Variants in COL24A1 observed in about 807,000 individuals in gnomAD.
COL24A1 encodes the protein collagen alpha-1(XXIV) chain.
A neutral mutation model predicts 253.9 loss-of-function variants in COL24A1; 224 were observed. The ratio of observed to expected loss-of-function variants is 0.88; its 90% CI spans 0.79 to 0.99. The LOEUF is 0.99. COL24A1 is among the 50% of genes least tolerant of loss of function. The probability of loss-of-function intolerance (pLI) is 0.00; values close to 1 mark genes in which losing one functional copy is unlikely to be tolerated. For synonymous variants in COL24A1, 685 were observed against 673.7 expected (o/e 1.02, Z -0.26); for missense variants, 2,131 against 2,068.5 (o/e 1.03, Z -0.59).
At chr1:86,146,403 A>C (rs1366485445) in intron 1 of COL24A1, among the ~76,000 whole-genome samples, 8 of 152,042 alleles carry the variant, frequency 5.3e-5, no homozygotes, top group Non-Finnish European at 1.0e-4. Context: ...TCTATGCCTT[A>C]GCTGCTTTAT....
chr1:85,738,265 G>A (rs573967320), intron 57 of COL24A1, among the ~76,000 whole-genome samples: 1 of 152,190 alleles, frequency 6.6e-6, no homozygotes, highest in East Asian at 1.9e-4. Context: ...TCCATCTCTT[G>A]AAGGAAAAAT....
Position 85,878,498 on chromosome 1 carries a change from G to A in COL24A1, c.2977-1323C>T, listed in dbSNP as rs141427950. The stretch of plus-strand genomic sequence containing the variant: ...ATAGCAGACATATTGGTTCATATTG[G>A]TTGCTTCAAATTTTTTGCACCTATA... On this transcript the variant is annotated intron_variant, in intron 32 of 59. Transcript: ENST00000370571. 2.0e-4 allele frequency among the ~76,000 whole-genome samples: 31 copies of A among 152,274 alleles called. No individual in the cohort carries two copies. In the East Asian group the frequency reaches 5.2e-3, roughly 26 times the overall value.
intron 18 of COL24A1, among the ~76,000 whole-genome samples, chr1:86,019,065 A>C (rs1697250528): frequency 6.6e-6 from 1 of 152,216 alleles, no homozygotes; most frequent in African/African-American, 2.4e-5. Flanking sequence ...TAAAATAGGG[A>C]AGACATCCTT....
chr1:86,074,524 C>T (rs1702113263), intron 7 of COL24A1, among the ~76,000 whole-genome samples: 1 of 152,128 alleles, frequency 6.6e-6, no homozygotes, highest in South Asian at 2.1e-4. Flanking sequence ...TTTAACACCC[C>T]ACTGTCAATA....
At chr1:85,784,219 G>A (rs1669431799) in intron 49 of COL24A1, 40 bp downstream of exon 49, 1 of 1,610,238 alleles carries the variant, frequency 6.2e-7, no homozygotes, top group Non-Finnish European at 8.5e-7. Flanking sequence ...AGCCTGCTCT[G>A]TAGAATAAAT....
At chr1:85,849,498 G>A (rs975222745) in intron 37 of COL24A1, 92 bp from the exon 38 acceptor site, 5 of 955,150 alleles carry the variant, frequency 5.2e-6, no homozygotes, top group Non-Finnish European at 6.6e-6. Context: ...CACTGGATTG[G>A]ATTGGACGAG....
intron 53 of COL24A1, among the ~76,000 whole-genome samples, chr1:85,772,641 C>T (rs4300248): frequency 0.75 from 113,284 of 151,912 alleles, 43,084 homozygotes; most frequent in Non-Finnish European, 0.82. Context: ...CATTTTTTCA[C>T]ATGTCTGTTG....
intron 42 of COL24A1, among the ~76,000 whole-genome samples, chr1:85,839,428 G>T (rs1676368033): frequency 6.6e-6 from 1 of 151,746 alleles, no homozygotes; most frequent in African/African-American, 2.4e-5. Context: ...TTCTTCATGA[G>T]AAAGTCTACT....
At chr1:85,907,471 TA>T (rs886414671) in intron 27 of COL24A1, among the ~76,000 whole-genome samples, 2 of 151,872 alleles carry the variant, frequency 1.3e-5, no homozygotes, top group African/African-American at 4.8e-5. Flanking sequence ...ACACCCTGAA[TA>T]AAAAATGGAG....
At chr1:85,851,792 T>C (rs1677800850) in intron 37 of COL24A1, among the ~76,000 whole-genome samples, 1 of 152,214 alleles carries the variant, frequency 6.6e-6, no homozygotes, top group Non-Finnish European at 1.5e-5. Flanking sequence ...TACATGTATA[T>C]GTTTTTATAC....
chr1:85,957,899 C>A (rs547824069), intron 24 of COL24A1, among the ~76,000 whole-genome samples: 3 of 152,270 alleles, frequency 2.0e-5, no homozygotes, highest in Admixed American at 2.0e-4. Context: ...TTGGCTCCTG[C>A]CTCCTTCACT....
intron 28 of COL24A1, among the ~76,000 whole-genome samples, chr1:85,906,264 C>CTTTTTATTTTTTTTTTTT (rs1684809084): frequency 2.6e-5 from 2 of 77,848 alleles, no homozygotes; most frequent in African/African-American, 1.0e-4. Context: ...ACTGCAAGGT[C>CTTTTTATTTTTTTTTTTT]TTTTTTTTTT....
rs1164026945 is a variant in COL24A1 at position 85,961,302 on chromosome 1, AAAG to A, written c.2518-12_2518-10del. ...TGATCTCCTACTTCTCCCTGTCAAA[AAAG>A]AATATAAAGTTGCAAAAACAGTTAT... On this transcript the variant is annotated splice_polypyrimidine_tract_variant and intron_variant, in intron 23 of 59. Coordinates refer to ENST00000370571, the MANE Select transcript of COL24A1 (RefSeq NM_152890.7). 1.9e-6 allele frequency: 3 copies of A among 1,596,804 alleles called. No homozygotes were observed. The highest frequency in any genetic ancestry group is 1.7e-6 in the Non-Finnish European group (2 of 1,166,444).
chr1:85,853,980 T>C (rs1021530440), intron 37 of COL24A1, among the ~76,000 whole-genome samples: 1 of 152,240 alleles, frequency 6.6e-6, no homozygotes, highest in Non-Finnish European at 1.5e-5. Flanking sequence ...TAGGTTCATT[T>C]GTCAAGTTTT....
chr1:85,891,118 T>G (rs935099642), intron 31 of COL24A1, among the ~76,000 whole-genome samples: 37 of 152,118 alleles, frequency 2.4e-4, no homozygotes, highest in African/African-American at 8.4e-4. Flanking sequence ...CAGCATGATC[T>G]TGGCTCACTG....
intron 52 of COL24A1, among the ~76,000 whole-genome samples, chr1:85,780,419 T>C (rs17128294): frequency 0.016 from 2,475 of 152,306 alleles, 76 homozygotes; most frequent in African/African-American, 0.057. Flanking sequence ...TTATCAATAT[T>C]GGAAAACTTT....
intron 5 of COL24A1, among the ~76,000 whole-genome samples, chr1:86,103,614 G>A (rs906947960): frequency 2.0e-5 from 3 of 152,120 alleles, no homozygotes; most frequent in Non-Finnish European, 2.9e-5. Context: ...TGTCTGAAAA[G>A]GATCTTATTT....
At chr1:85,876,045 T>G (rs1453741824) in intron 33 of COL24A1, among the ~76,000 whole-genome samples, 1 of 152,070 alleles carries the variant, frequency 6.6e-6, no homozygotes, top group African/African-American at 2.4e-5. Flanking sequence ...ATGTAAACCA[T>G]TACTTATCAT....
intron 24 of COL24A1, among the ~76,000 whole-genome samples, chr1:85,941,645 C>T (rs1017116780): frequency 6.6e-6 from 1 of 151,950 alleles, no homozygotes; most frequent in Admixed American, 6.6e-5. Context: ...AAATGGAATC[C>T]TTTTATTATT....
Sources: allele counts gnomAD v4.1 joint callset (sites outside exome capture counted in the v4.1 genomes callset), GRCh38; gene constraint gnomAD v4.1.1; transcripts MANE v1.5; gene names NCBI Gene and HGNC (gene_info 2026-07-23, HGNC 2026-07-21).